Variants in CDH12 observed in about 807,000 individuals in gnomAD.
CDH12 encodes cadherin 12.
CDH12 carries 41 observed loss-of-function variants against 74.1 expected under a neutral mutation model. The observed-to-expected ratio is 0.55, with a 90% CI of 0.43 to 0.72. CDH12 has a LOEUF of 0.72. Ranked by LOEUF, CDH12 falls within the 30% of genes least tolerant of loss-of-function variation. The pLI is 0.00. For missense variants in CDH12, 945 were observed against 977.2 expected (o/e 0.97, Z 0.44); for synonymous variants, 399 against 355.0 (o/e 1.12, Z -1.39).
At chr5:22,220,456 C>A (rs2150368398) in intron 3 of CDH12, among the ~76,000 whole-genome samples, 1 of 151,640 alleles carries the variant, frequency 6.6e-6, no homozygotes, top group African/African-American at 2.4e-5. Context: ...GATTACATCC[C>A]AACATAAGCC....
At chr5:22,521,139 G>C (rs181486671) in intron 1 of CDH12, among the ~76,000 whole-genome samples, 1 of 152,064 alleles carries the variant, frequency 6.6e-6, no homozygotes, top group Non-Finnish European at 1.5e-5. Flanking sequence ...GATCTCTATT[G>C]AAAGTGTTGT....
chr5:22,543,659 G>A (rs374611655), intron 1 of CDH12, among the ~76,000 whole-genome samples: 5 of 152,098 alleles, frequency 3.3e-5, no homozygotes, highest in African/African-American at 1.2e-4. Flanking sequence ...GGCAATCTGG[G>A]CTGTCTTTAC....
intron 1 of CDH12, among the ~76,000 whole-genome samples, chr5:22,622,150 A>G (rs1223281081): frequency 6.6e-6 from 1 of 152,184 alleles, no homozygotes; most frequent in Non-Finnish European, 1.5e-5. Context: ...GGAAATTAGC[A>G]AAAGCTAAAA....
At chr5:22,326,396 G>A (rs951161306) in intron 3 of CDH12, among the ~76,000 whole-genome samples, 36 of 152,086 alleles carry the variant, frequency 2.4e-4, no homozygotes, top group Non-Finnish European at 4.1e-4. Context: ...CAACCACGCC[G>A]GGCTAGTTTT....
intron 1 of CDH12, among the ~76,000 whole-genome samples, chr5:22,847,969 C>T (rs796163901): frequency 2.0e-5 from 3 of 152,038 alleles, no homozygotes; most frequent in African/African-American, 4.8e-5. Flanking sequence ...CTGCAACCTC[C>T]GCCTCCTGGG....
intron 1 of CDH12, among the ~76,000 whole-genome samples, chr5:22,725,220 G>A (rs1744100602): frequency 6.6e-6 from 1 of 151,692 alleles, no homozygotes; most frequent in African/African-American, 2.4e-5. Flanking sequence ...AGTGGTTTGT[G>A]TTTTTATAAA....
intron 4 of CDH12, among the ~76,000 whole-genome samples, chr5:22,129,917 A>G (rs949723673): frequency 5.9e-5 from 9 of 152,196 alleles, no homozygotes; most frequent in Non-Finnish European, 1.2e-4. Context: ...TGAAAAACAC[A>G]TTAAAAAATC....
chr5:22,123,028 G>A (rs1271388144), intron 4 of CDH12, among the ~76,000 whole-genome samples: 1 of 152,138 alleles, frequency 6.6e-6, no homozygotes, highest in Non-Finnish European at 1.5e-5. Flanking sequence ...AGATAATCAC[G>A]TGAGCCAATT....
rs537346969 is a variant in CDH12 at position 22,378,035 on chromosome 5, T to C, written c.-333+27222A>G. Among the ~76,000 whole-genome samples the C allele has an allele frequency of 2.0e-5, 3 of 152,302 alleles. No individual in the cohort carries two copies. In the East Asian group the frequency reaches 5.8e-4, roughly 29 times the overall value. Reference sequence around the variant, plus strand: ...TAAGGCTAGAATAACTGATTATGAATAATAACGTGTTTTTTTCCTCTTACT... The same window carrying C: ...TAAGGCTAGAATAACTGATTATGAACAATAACGTGTTTTTTTCCTCTTACT... On this transcript the variant is annotated intron_variant, in intron 3 of 14. Transcript: ENST00000382254.
chr5:22,685,535 G>A (rs1277796344), intron 1 of CDH12, among the ~76,000 whole-genome samples: 1 of 152,144 alleles, frequency 6.6e-6, no homozygotes, highest in African/African-American at 2.4e-5. Context: ...TGCGCCCAGC[G>A]CCATATCCAT....
At chr5:22,041,817 G>T (rs74948758) in intron 5 of CDH12, among the ~76,000 whole-genome samples, 2 of 151,972 alleles carry the variant, frequency 1.3e-5, no homozygotes, top group Non-Finnish European at 2.9e-5. Context: ...GGGCCTAACA[G>T]GTATATAAAA....
intron 3 of CDH12, among the ~76,000 whole-genome samples, chr5:22,260,862 A>G (rs1753480927): frequency 6.6e-6 from 1 of 151,990 alleles, no homozygotes. Context: ...TGAAAAACCC[A>G]ACAGCTTTGA....
intron 2 of CDH12, among the ~76,000 whole-genome samples, chr5:22,415,979 T>TTA (rs1468034714): frequency 6.6e-6 from 1 of 150,696 alleles, no homozygotes; most frequent in Non-Finnish European, 1.5e-5. Context: ...GTGACCCAGA[T>TTA]TATATAGTTG....
intron 4 of CDH12, among the ~76,000 whole-genome samples, chr5:22,166,839 G>A (rs1186551270): frequency 1.3e-5 from 2 of 151,976 alleles, no homozygotes; most frequent in African/African-American, 4.8e-5. Flanking sequence ...TAGCGAGAAA[G>A]AATATATCTT....
chr5:21,785,561 A>G (rs952554001), intron 10 of CDH12, among the ~76,000 whole-genome samples: 1 of 152,168 alleles, frequency 6.6e-6, no homozygotes, highest in African/African-American at 2.4e-5. Flanking sequence ...AAAGCAAATG[A>G]GTTTTATTGT....
intron 1 of CDH12, among the ~76,000 whole-genome samples, chr5:22,703,898 T>A (rs139782390): frequency 6.6e-6 from 1 of 152,150 alleles, no homozygotes; most frequent in Admixed American, 6.6e-5. Flanking sequence ...ATACATGCTG[T>A]TTTTTATTAA....
chr5:21,905,340 G>T (rs896335794), intron 6 of CDH12, among the ~76,000 whole-genome samples: 4 of 152,218 alleles, frequency 2.6e-5, no homozygotes, highest in African/African-American at 9.6e-5. Context: ...CCCTCCAATT[G>T]TGACGATACC....
intron 2 of CDH12, among the ~76,000 whole-genome samples, chr5:22,416,060 CTTTTTTTTTTTT>C (rs58606764): frequency 4.6e-5 from 3 of 65,122 alleles, no homozygotes; most frequent in Non-Finnish European, 7.6e-5. Flanking sequence ...ACTTGTAGGT[CTTTTTTTTTTTT>C]TTTTTTTTTT....
chr5:22,418,568 T>C (rs1389158039), intron 2 of CDH12, among the ~76,000 whole-genome samples: 3 of 152,108 alleles, frequency 2.0e-5, no homozygotes, highest in African/African-American at 4.8e-5. Context: ...TTCAGTATGA[T>C]ATGGCTGTGG....
Sources: gnomAD v4.1 joint callset for allele counts (sites outside exome capture counted in the v4.1 genomes callset) on GRCh38, gnomAD v4.1.1 for gene constraint, MANE v1.5 for transcripts, NCBI Gene and HGNC (gene_info 2026-07-23, HGNC 2026-07-21) for gene names.